EPHA7: variants seen among roughly 807,000 people sequenced by gnomAD.
EPHA7 encodes the protein ephrin type-A receptor 7.
In EPHA7, 25 loss-of-function variants were observed where a neutral mutation model predicts 112.6. That is an observed-to-expected ratio of 0.22 (90% CI 0.16 to 0.31). EPHA7 has a LOEUF of 0.31. EPHA7 is among the 10% of genes least tolerant of loss of function. EPHA7 has a pLI of 1.00. For missense variants in EPHA7, 962 were observed against 1,212.6 expected (o/e 0.79, Z 3.07); for synonymous variants, 437 against 406.5 (o/e 1.07, Z -0.90).
At chr6:93,397,671 C>T (rs916604785) in intron 3 of EPHA7, among the ~76,000 whole-genome samples, 6 of 151,828 alleles carry the variant, frequency 4.0e-5, no homozygotes, top group African/African-American at 9.7e-5. Context: ...GACTGGCAAG[C>T]GATACTCAGT....
At chr6:93,359,878 T>TAGAG (rs1554185714) in intron 3 of EPHA7, among the ~76,000 whole-genome samples, 1 of 89,528 alleles carries the variant, frequency 1.1e-5, no homozygotes, top group Non-Finnish European at 2.5e-5. Context: ...GAGAGAGAGA[T>TAGAG]AGATAGATAG....
chr6:93,386,580 C>G (rs1473630257), intron 3 of EPHA7, among the ~76,000 whole-genome samples: 1 of 152,102 alleles, frequency 6.6e-6, no homozygotes, highest in African/African-American at 2.4e-5. Flanking sequence ...ATAATGGTGG[C>G]CCTCTTCTCC....
intron 3 of EPHA7, among the ~76,000 whole-genome samples, chr6:93,381,179 T>C (rs759033203): frequency 3.9e-5 from 6 of 152,214 alleles, no homozygotes; most frequent in Admixed American, 6.5e-5. Flanking sequence ...TTATCTATTT[T>C]TAGTGCTCCA....
At chr6:93,310,987 T>G (rs1005765150) in intron 5 of EPHA7, among the ~76,000 whole-genome samples, 4 of 152,046 alleles carry the variant, frequency 2.6e-5, no homozygotes, top group African/African-American at 9.7e-5. Flanking sequence ...TTGTTTTGTT[T>G]TTTGAGTGTC....
chr6:93,338,505 T>C (rs186746472), intron 5 of EPHA7, among the ~76,000 whole-genome samples: 22 of 152,118 alleles, frequency 1.4e-4, no homozygotes, highest in Non-Finnish European at 2.9e-5. Flanking sequence ...GGTATTCCAA[T>C]AAATCATGTT....
intron 5 of EPHA7, among the ~76,000 whole-genome samples, chr6:93,303,936 A>G (rs1303299268): frequency 6.6e-6 from 1 of 152,082 alleles, no homozygotes; most frequent in Non-Finnish European, 1.5e-5. Context: ...TTACCTGACT[A>G]GCACTTAATA....
At chr6:93,401,568 T>A (rs142923573) in intron 3 of EPHA7, among the ~76,000 whole-genome samples, 1,539 of 152,130 alleles carry the variant, frequency 0.01, 23 homozygotes, top group African/African-American at 0.034. Context: ...TTTGAACTAA[T>A]TTCTAAATTG....
At chr6:93,419,191 G>T (rs1262919057) in intron 1 of EPHA7, 54 bp downstream of exon 1, 1 of 1,479,016 alleles carries the variant, frequency 6.8e-7, no homozygotes, top group Middle Eastern at 1.7e-4. Flanking sequence ...GGCTTGTGCA[G>T]GTAGACATCT....
In EPHA7 at chr6:93,376,182, C is replaced by T. The variant is rs551715163; in HGVS notation, c.833-17771G>A. On this transcript the variant is annotated intron_variant, in intron 3 of 16. Coordinates refer to ENST00000369303, the MANE Select transcript of EPHA7 (RefSeq NM_004440.4). Reference sequence around the variant, plus strand: ...TTTTTGAGACAGGATCTCACTCTGTCGCCCAGGAGAAGTGCAGTGGTATGA... The same window carrying T: ...TTTTTGAGACAGGATCTCACTCTGTTGCCCAGGAGAAGTGCAGTGGTATGA... Among the ~76,000 whole-genome samples the T allele has an allele frequency of 4.6e-5, 7 of 152,104 alleles. No individual in the cohort carries two copies. In the South Asian group the frequency reaches 8.3e-4, roughly 18 times the overall value.
At chr6:93,390,418 A>C (rs1777846258) in intron 3 of EPHA7, among the ~76,000 whole-genome samples, 1 of 151,858 alleles carries the variant, frequency 6.6e-6, no homozygotes, top group African/African-American at 2.4e-5. Context: ...ACATTAAGAT[A>C]AATTTTAAAA....
intron 5 of EPHA7, among the ~76,000 whole-genome samples, chr6:93,283,121 A>C (rs972417095): frequency 6.6e-6 from 1 of 152,200 alleles, no homozygotes; most frequent in Non-Finnish European, 1.5e-5. Context: ...GGGATTGTGA[A>C]TGCACCAATC....
chr6:93,243,784 T>C (rs992578414), intron 16 of EPHA7, among the ~76,000 whole-genome samples: 14 of 152,108 alleles, frequency 9.2e-5, no homozygotes, highest in African/African-American at 3.4e-4. Flanking sequence ...TTAAAGTGAT[T>C]TGAAATTTTA....
intron 5 of EPHA7, among the ~76,000 whole-genome samples, chr6:93,331,552 T>A (rs1388683181): frequency 1.3e-5 from 2 of 151,456 alleles, no homozygotes. Context: ...CTAGAATGCA[T>A]ACTAAATTTA....
chr6:93,264,980 T>C (rs943377955), intron 7 of EPHA7, among the ~76,000 whole-genome samples: 10 of 151,800 alleles, frequency 6.6e-5, no homozygotes, highest in Middle Eastern at 3.4e-3. Flanking sequence ...AGCTTAGTTA[T>C]AAATCAAGAG....
chr6:93,341,542 A>G (rs552437801), intron 5 of EPHA7, among the ~76,000 whole-genome samples: 1 of 151,908 alleles, frequency 6.6e-6, no homozygotes, highest in Non-Finnish European at 1.5e-5. Flanking sequence ...AGAAAGTTAT[A>G]GAAAACAGAG....
Position 93,240,636 on chromosome 6 carries a change from G to A in EPHA7, c.*2790C>T, listed in dbSNP as rs1023824976. ...AGTGTGAGGACAGTGTTCTAAAAAA[G>A]GTGGCTCTATTAAAGCAAGGAGGCC... On this transcript the variant is annotated 3_prime_UTR_variant, in exon 17 of 17. Transcript: ENST00000369303. 9.3e-6 allele frequency: 2 copies of A among 215,158 alleles called. No homozygotes were observed. Among genetic ancestry groups the A allele is most frequent in the Admixed American group, 5.9e-5 (1 of 17,094 alleles). The allele number at this position is 215,158 out of a possible 1,614,324, so 13.3% of individuals were successfully genotyped here. A position where few individuals can be genotyped will look rare whatever the true frequency, so the allele number is the denominator to read the frequency against.
intron 5 of EPHA7, among the ~76,000 whole-genome samples, chr6:93,314,427 T>C (rs1171045108): frequency 6.6e-6 from 1 of 152,128 alleles, no homozygotes; most frequent in African/African-American, 2.4e-5. Flanking sequence ...ATAAACATAT[T>C]TAACTGCAAA....
chr6:93,418,436 T>C (rs1779352397), intron 1 of EPHA7, among the ~76,000 whole-genome samples: 1 of 152,246 alleles, frequency 6.6e-6, no homozygotes, highest in Non-Finnish European at 1.5e-5. Context: ...TGCTGCACTA[T>C]GGGGCAAATA....
intron 3 of EPHA7, among the ~76,000 whole-genome samples, chr6:93,379,846 T>C (rs920765969): frequency 5.9e-5 from 9 of 152,146 alleles, no homozygotes; most frequent in African/African-American, 1.9e-4. Context: ...AACCTAAACA[T>C]ACACCAAAGT....
Sources: gnomAD v4.1 joint callset for allele counts (sites outside exome capture counted in the v4.1 genomes callset) on GRCh38, gnomAD v4.1.1 for gene constraint, MANE v1.5 for transcripts, NCBI Gene and HGNC (gene_info 2026-07-23, HGNC 2026-07-21) for gene names.